Variants in ASTN2 observed in about 807,000 individuals in gnomAD.
ASTN2 encodes astrotactin 2.
In ASTN2, 54 loss-of-function variants were observed where a neutral mutation model predicts 139.8. The observed-to-expected ratio is 0.39, with a 90% confidence interval of 0.31 to 0.48. ASTN2 has a LOEUF of 0.48. Ranked by LOEUF, ASTN2 falls within the 20% of genes least tolerant of loss-of-function variation. The pLI is 0.95. For synonymous variants in ASTN2, 756 were observed against 719.5 expected (o/e 1.05, Z -0.81); for missense variants, 1,565 against 1,725.1 (o/e 0.91, Z 1.64).
At chr9:116,517,868 A>C (rs2119218445) in intron 19 of ASTN2, among the ~76,000 whole-genome samples, 1 of 152,350 alleles carries the variant, frequency 6.6e-6, no homozygotes, top group South Asian at 2.1e-4. Context: ...ATGCACTGGA[A>C]AGTCTCAGCA....
In ASTN2 at chr9:116,620,349, G is replaced by C. The variant is rs1269329603; in HGVS notation, c.3167C>G (p.Ala1056Gly). 6.2e-7 allele frequency: 1 copy of C among 1,614,148 alleles called. No individual in the cohort carries two copies. Among genetic ancestry groups the C allele is most frequent in the Non-Finnish European group, 8.5e-7 (1 of 1,180,032 alleles). Reference sequence around the variant, plus strand: ...GGGGCTGCAGTTGGGGAGCCCATTGGCATCAAAGGCGCTGAGGTCACACCT... The same window carrying C: ...GGGGCTGCAGTTGGGGAGCCCATTGCCATCAAAGGCGCTGAGGTCACACCT... The part of the protein sequence containing the change: ...WCRCDLSAFD[A>G]NGLPNCSPLL... The change falls in exon 18 of 23, where the codon GCC (alanine) becomes GGC (glycine). Residue 1056 changes from alanine to glycine, a missense_variant. Physicochemically the swap from Ala to Gly is moderately conservative, Grantham distance 60 (BLOSUM62 0). Transcript: ENST00000313400.
intron 16 of ASTN2, among the ~76,000 whole-genome samples, chr9:116,656,902 C>T (rs1048780405): frequency 3.3e-5 from 5 of 152,280 alleles, no homozygotes; most frequent in Non-Finnish European, 5.9e-5. Context: ...GACAGGCTTG[C>T]TTTGGCAATA....
intron 18 of ASTN2, among the ~76,000 whole-genome samples, 160 bp downstream of exon 18, chr9:116,620,150 A>T (rs1303888069): frequency 1.3e-5 from 2 of 152,110 alleles, no homozygotes; most frequent in African/African-American, 2.4e-5. Context: ...TGTTCTGCCA[A>T]AGCTCCCTTC....
intron 16 of ASTN2, among the ~76,000 whole-genome samples, chr9:116,664,423 T>A (rs553155507): frequency 0.019 from 2,784 of 147,940 alleles, 83 homozygotes; most frequent in African/African-American, 0.064. Context: ...GAAATATATA[T>A]AATATATATA....
In ASTN2 at chr9:116,439,795, GTC is replaced by G. The variant is rs780306154; in HGVS notation, c.3782+812_3782+813del. Among the ~76,000 whole-genome samples the G allele has an allele frequency of 7.2e-5, 11 of 152,296 alleles. No individual in the cohort carries two copies. The East Asian group carries it at 2.1e-3, about 29-fold the overall frequency. On this transcript the variant is annotated intron_variant, in intron 22 of 22. Coordinates refer to ENST00000313400, the MANE Select transcript of ASTN2 (RefSeq NM_001365068.1). ...TGGGTGACCTAGACCAGATGCCTAT[GTC>G]TCATGTATGTTCCCAAAGAGTTCTG...
chr9:116,455,217 C>T (rs937664150), intron 20 of ASTN2, among the ~76,000 whole-genome samples: 18 of 151,616 alleles, frequency 1.2e-4, no homozygotes, highest in South Asian at 4.2e-4. Context: ...GGTGTGGTGA[C>T]GCACGTCTGT....
chr9:116,651,178 A>G lies in ASTN2; in HGVS notation c.3072+350T>C, dbSNP rs538607799. 1.8e-4 allele frequency among the ~76,000 whole-genome samples: 28 copies of G among 152,104 alleles called. No individual in the cohort carries two copies. In the East Asian group the frequency reaches 5.2e-3, roughly 28 times the overall value. ...GTAATCCACCCGCCTTGGCCTCCCA[A>G]AGTGTTGAGATTACAGGCATGAGCC... is the stretch of plus-strand genomic sequence containing the variant. On this transcript the variant is annotated intron_variant, in intron 17 of 22. Coordinates refer to ENST00000313400, the MANE Select transcript of ASTN2 (RefSeq NM_001365068.1).
intron 7 of ASTN2, among the ~76,000 whole-genome samples, chr9:116,991,079 T>C (rs906037804): frequency 2.0e-5 from 3 of 152,212 alleles, no homozygotes; most frequent in Admixed American, 2.0e-4. Flanking sequence ...AGTGAAATTT[T>C]AATTAAGAGA....
intron 3 of ASTN2, among the ~76,000 whole-genome samples, chr9:117,201,002 T>TG (rs1831695842): frequency 1.3e-5 from 2 of 149,012 alleles, no homozygotes; most frequent in Admixed American, 1.3e-4. Flanking sequence ...TGGGCTTTTT[T>TG]TTTTTTTTTT....
chr9:116,612,516 CTG>C (rs975732209), intron 19 of ASTN2: 147 of 152,294 alleles, frequency 9.7e-4, no homozygotes, highest in African/African-American at 3.4e-3. Context: ...TTATAACAAA[CTG>C]TCTCTCAGAA....
chr9:116,755,728 T>A (rs902465431), intron 13 of ASTN2, among the ~76,000 whole-genome samples: 6 of 152,246 alleles, frequency 3.9e-5, no homozygotes, highest in Non-Finnish European at 8.8e-5. Flanking sequence ...CTGCATTAAA[T>A]CAAAGGTTTA....
intron 13 of ASTN2, among the ~76,000 whole-genome samples, chr9:116,746,744 G>C (rs997469516): frequency 1.3e-5 from 2 of 152,124 alleles, no homozygotes; most frequent in Middle Eastern, 6.8e-3. Flanking sequence ...TTGTGTTTGT[G>C]CAGCCCCTGT....
chr9:116,854,373 T>G (rs888078045), intron 11 of ASTN2, among the ~76,000 whole-genome samples: 1 of 152,182 alleles, frequency 6.6e-6, no homozygotes, highest in African/African-American at 2.4e-5. Flanking sequence ...ATAAGTAGTA[T>G]TATCCCCATT....
chr9:116,551,564 C>T (rs1852346760), intron 19 of ASTN2, among the ~76,000 whole-genome samples: 1 of 152,192 alleles, frequency 6.6e-6, no homozygotes, highest in Non-Finnish European at 1.5e-5. Flanking sequence ...AATTGCTTCT[C>T]CTCCAATCTT....
At chr9:116,428,876 C>T (rs1847400135) in intron 22 of ASTN2, among the ~76,000 whole-genome samples, 2 of 152,096 alleles carry the variant, frequency 1.3e-5, no homozygotes, top group African/African-American at 2.4e-5. Context: ...AATTAACAGA[C>T]ACATAATAAA....
chr9:116,445,830 T>G (rs1847970638), intron 20 of ASTN2, among the ~76,000 whole-genome samples: 1 of 152,198 alleles, frequency 6.6e-6, no homozygotes, highest in Non-Finnish European at 1.5e-5. Context: ...AAAGGTAGCT[T>G]CTATTTTTGT....
chr9:117,005,932 C>T (rs1412621616), intron 7 of ASTN2, among the ~76,000 whole-genome samples: 1 of 152,062 alleles, frequency 6.6e-6, no homozygotes, highest in Admixed American at 6.6e-5. Flanking sequence ...ATCCTAGGCC[C>T]TGGATGTTGG....
intron 13 of ASTN2, among the ~76,000 whole-genome samples, chr9:116,767,055 A>G (rs1829831230): frequency 6.6e-6 from 1 of 152,020 alleles, no homozygotes; most frequent in Non-Finnish European, 1.5e-5. Flanking sequence ...CACATACTTA[A>G]AACAGTTGCA....
intron 20 of ASTN2, among the ~76,000 whole-genome samples, chr9:116,447,803 T>G (rs1260271197): frequency 6.6e-6 from 1 of 152,198 alleles, no homozygotes; most frequent in African/African-American, 2.4e-5. Flanking sequence ...GCTGTTGGCA[T>G]CATCATTAGG....
Sources: allele counts gnomAD v4.1 joint callset (sites outside exome capture counted in the v4.1 genomes callset), GRCh38; gene constraint gnomAD v4.1.1; transcripts MANE v1.5; gene names NCBI Gene and HGNC (gene_info 2026-07-23, HGNC 2026-07-21).